NXN: variants seen among roughly 807,000 people sequenced by gnomAD.
The protein encoded by NXN is nucleoredoxin 1.
In NXN, 16 loss-of-function variants were observed where a neutral mutation model predicts 48.6. That is an observed-to-expected ratio of 0.33 (90% CI 0.22 to 0.50). The LOEUF is 0.50. Ranked by LOEUF, NXN falls within the 20% of genes least tolerant of loss-of-function variation. The pLI is 0.98. For synonymous variants in NXN, 281 were observed against 269.6 expected (o/e 1.04, Z -0.41); for missense variants, 492 against 605.5 (o/e 0.81, Z 1.97).
At chr17:936,038 G>C (rs2150601226) in intron 1 of NXN, among the ~76,000 whole-genome samples, 1 of 137,908 alleles carries the variant, frequency 7.3e-6, no homozygotes, top group Non-Finnish European at 1.5e-5. Flanking sequence ...GTTGCGGCGA[G>C]CCAAGATCGT....
At chr17:908,633 T>C (rs926421318) in intron 1 of NXN, among the ~76,000 whole-genome samples, 2 of 152,136 alleles carry the variant, frequency 1.3e-5, no homozygotes, top group African/African-American at 4.8e-5. Flanking sequence ...ATCCCAAACA[T>C]GTACCAAAGG....
At position 958,633 on chromosome 17, in the gene NXN, T is replaced by A. The variant is rs577236062; in HGVS notation, c.360+20686A>T. Among the ~76,000 whole-genome samples the A allele has an allele frequency of 2.0e-5, 3 of 152,046 alleles. No individual in the cohort carries two copies. The highest frequency in any genetic ancestry group is 4.8e-5 in the African/African-American group (2 of 41,394). On this transcript the variant is annotated intron_variant, in intron 1 of 7. Transcript: ENST00000336868. The surrounding 1 kb of genome is among the most constrained non-coding windows in gnomAD (Gnocchi z 6.9). ...TAAAAATACAAAAATTAGCCAGGCG[T>A]GGTGGCGTGCGCCTGTAGTCCCAGC...
rs182171636 is a variant in NXN at position 851,831 on chromosome 17, C to T, written c.361-25753G>A. On this transcript the variant is annotated intron_variant, in intron 1 of 7. Transcript: ENST00000336868. ...CAAAATGAAAAGAACAAAGAACAAG[C>T]CATTATTACAAGTGATCTGTCTCGC... Among the ~76,000 whole-genome samples, 28 of 152,322 alleles carry T rather than the reference C, an allele frequency of 1.8e-4. No individual in the cohort carries two copies. The East Asian group carries it at 2.9e-3, about 16-fold the overall frequency.
At chr17:973,283 C>A (rs137921440) in intron 1 of NXN, among the ~76,000 whole-genome samples, 81 of 152,270 alleles carry the variant, frequency 5.3e-4, no homozygotes, top group Non-Finnish European at 9.3e-4. Context: ...CTAGAGGTGG[C>A]GTTTCTACAG....
At chr17:974,378 G>C (rs1182497719) in intron 1 of NXN, among the ~76,000 whole-genome samples, 1 of 151,432 alleles carries the variant, frequency 6.6e-6, no homozygotes, top group African/African-American at 2.4e-5. Context: ...TATATATATA[G>C]ATATATGGAT....
At chr17:858,661 G>A (rs570361317) in intron 1 of NXN, among the ~76,000 whole-genome samples, 7 of 152,092 alleles carry the variant, frequency 4.6e-5, no homozygotes, top group African/African-American at 7.2e-5. Context: ...CCTGGGAGGC[G>A]GAGGTTGCAG....
chr17:897,748 T>C (rs918942321), intron 1 of NXN, among the ~76,000 whole-genome samples: 1 of 152,190 alleles, frequency 6.6e-6, no homozygotes, highest in Non-Finnish European at 1.5e-5. Flanking sequence ...CGATCTCGGC[T>C]CACTGCAACC....
chr17:931,559 G>C (rs996907075), intron 1 of NXN, among the ~76,000 whole-genome samples: 2 of 152,052 alleles, frequency 1.3e-5, no homozygotes, highest in Non-Finnish European at 1.5e-5. Context: ...ATTTTTGGCC[G>C]GGCGCAGTGG....
intron 1 of NXN, among the ~76,000 whole-genome samples, chr17:843,032 GA>G (rs1567829070): frequency 2.1e-5 from 3 of 142,100 alleles, no homozygotes; most frequent in East Asian, 2.0e-4. Context: ...AAGAAAGAAA[GA>G]AAGAAAGAAA....
At chr17:934,274 T>G (rs1012312961) in intron 1 of NXN, among the ~76,000 whole-genome samples, 6 of 151,614 alleles carry the variant, frequency 4.0e-5, no homozygotes, top group African/African-American at 1.5e-4. Context: ...TGAAACCCTG[T>G]CTCTACTAAA....
At position 799,988 on chromosome 17, in the gene NXN, T is replaced by TGCAC. The variant is rs1372643849; in HGVS notation, c.*960_*961insGTGC. ...AAAATTAGCCAGGTACGGTGGCGGGTGCCTGTAATCCCAGCTACTCGGGAG... is the reference window on the plus strand; with the variant it reads ...AAAATTAGCCAGGTACGGTGGCGGGTGCACGCCTGTAATCCCAGCTACTCGGGAG... On this transcript the variant is annotated 3_prime_UTR_variant, in exon 8 of 8. Transcript: ENST00000336868. 2.0e-5 allele frequency: 3 copies of TGCAC among 152,166 alleles called. No individual in the cohort carries two copies. The highest frequency in any genetic ancestry group is 2.9e-5 in the Non-Finnish European group (2 of 68,142). 9.4% of individuals were successfully genotyped at this position (152,166 alleles called of 1,614,324 possible).
chr17:935,817 G>A (rs2150601054), intron 1 of NXN, among the ~76,000 whole-genome samples: 1 of 152,132 alleles, frequency 6.6e-6, no homozygotes, highest in East Asian at 1.9e-4. Context: ...CCTAGGCCGG[G>A]CGCAGTGACT....
At chr17:834,846 G>A (rs1913702076) in intron 1 of NXN, among the ~76,000 whole-genome samples, 1 of 151,196 alleles carries the variant, frequency 6.6e-6, no homozygotes, top group African/African-American at 2.4e-5. Flanking sequence ...AGTAGAGACA[G>A]GGTTTCACCA....
At chr17:831,421 C>T (rs533562552) in intron 1 of NXN, among the ~76,000 whole-genome samples, 3 of 152,086 alleles carry the variant, frequency 2.0e-5, no homozygotes, top group East Asian at 1.9e-4. Context: ...CCAGTCCCCC[C>T]GCCACACAGA....
intron 1 of NXN, among the ~76,000 whole-genome samples, chr17:942,373 T>C (rs1268765640): frequency 1.3e-3 from 39 of 30,164 alleles, no homozygotes; most frequent in African/African-American, 4.8e-3. Context: ...CATCACACCT[T>C]CCTGGATTTA....
chr17:884,631 C>G (rs2068323084), intron 1 of NXN, among the ~76,000 whole-genome samples: 1 of 152,114 alleles, frequency 6.6e-6, no homozygotes, highest in African/African-American at 2.4e-5. Context: ...CTCCTCCATT[C>G]TCTCCCCATC....
intron 1 of NXN, among the ~76,000 whole-genome samples, chr17:865,749 C>T (rs1018105449): frequency 4.0e-5 from 6 of 150,982 alleles, no homozygotes; most frequent in Admixed American, 2.0e-4. Flanking sequence ...TTTGGGAGGC[C>T]GAGGTGGGCA....
At chr17:818,822 T>C (rs541471323) in intron 5 of NXN, among the ~76,000 whole-genome samples, 8 of 150,512 alleles carry the variant, frequency 5.3e-5, no homozygotes, top group Non-Finnish European at 1.2e-4. Context: ...GAGGCGGAGC[T>C]TGCAGTGAGC....
At chr17:870,220 A>G (rs2068136789) in intron 1 of NXN, among the ~76,000 whole-genome samples, 1 of 152,130 alleles carries the variant, frequency 6.6e-6, no homozygotes, top group East Asian at 1.9e-4. Flanking sequence ...GCCCCCAGTC[A>G]CTTTCTGATT....
Sources: gnomAD v4.1 joint callset for allele counts (sites outside exome capture counted in the v4.1 genomes callset) on GRCh38, gnomAD v4.1.1 for gene constraint, Gnocchi (gnomAD v3.1) non-coding constraint, MANE v1.5 for transcripts, NCBI Gene and HGNC (gene_info 2026-07-23, HGNC 2026-07-21) for gene names.